BDKRB1: variants seen among roughly 807,000 people sequenced by gnomAD.
The protein encoded by BDKRB1 is B1 bradykinin receptor.
For synonymous variants in BDKRB1, 192 were observed against 189.1 expected (o/e 1.02, Z -0.13); for missense variants, 414 against 441.4 (o/e 0.94, Z 0.56).
intron 1 of BDKRB1, among the ~76,000 whole-genome samples, chr14:96,262,249 A>G (rs559334085): frequency 2.0e-5 from 3 of 152,310 alleles, no homozygotes; most frequent in African/African-American, 7.2e-5. Context: ...TGGCTTTGTC[A>G]TTCATCGCGT....
At chr14:96,260,537 G>C (rs1885723219) in intron 1 of BDKRB1, among the ~76,000 whole-genome samples, 1 of 152,110 alleles carries the variant, frequency 6.6e-6, no homozygotes, top group East Asian at 1.9e-4. Context: ...TACTCCAAAA[G>C]GGTTTATTTC....
At position 96,264,660 on chromosome 14, in the gene BDKRB1, T is replaced by G. The variant is rs757269829; in HGVS notation, c.978T>G (p.Leu326=). ...GRLFRTKVWE[L]YKQCTPKSLA... The stretch of plus-strand genomic sequence containing the variant: ...TCTTCAGGACCAAGGTCTGGGAACT[T>G]TATAAACAATGCACCCCTAAAAGTC... Residue 326 remains leucine (L), a synonymous_variant, in exon 3 of 3, where the codon CTT becomes CTG. Coordinates refer to ENST00000216629, the MANE Select transcript of BDKRB1 (RefSeq NM_000710.4). 4 of 1,614,092 alleles carry G rather than the reference T, an allele frequency of 2.5e-6. No individual in the cohort carries two copies. In the South Asian group the frequency reaches 4.4e-5, roughly 18 times the overall value.
intron 1 of BDKRB1, 23 bp from the exon 2 acceptor site, chr14:96,262,629 T>C (rs1566703128): frequency 2.8e-6 from 1 of 352,936 alleles, no homozygotes; most frequent in South Asian, 2.0e-5. Flanking sequence ...TTTTTTTTGT[T>C]GTTGTTGTTG....
chr14:96,263,782 G>A lies in BDKRB1; in HGVS notation c.100G>A (p.Asp34Asn), dbSNP rs1464615714. 6.2e-7 allele frequency: 1 copy of A among 1,614,220 alleles called. No individual in the cohort carries two copies. Among genetic ancestry groups the A allele is most frequent in the Non-Finnish European group, 8.5e-7 (1 of 1,180,040 alleles). ...CTGTGACAATGCTCCAGAAGCCTGG[G>A]ACCTGCTGCACAGAGTGCTGCCAAC... is the stretch of plus-strand genomic sequence containing the variant. Reference protein sequence around the residue: ...TACDNAPEAWDLLHRVLPTFI... With the variant: ...TACDNAPEAWNLLHRVLPTFI... Residue 34 changes from aspartate (D) to asparagine (N), a missense_variant, in exon 3 of 3, where the codon GAC becomes AAC. Transcript: ENST00000216629.
In BDKRB1 at chr14:96,264,628, G is replaced by A; in HGVS notation, c.946G>A (p.Gly316Ser). The stretch of plus-strand genomic sequence containing the variant: ...GAATCCAGTAATTTATGTCTTTGTG[G>A]GCCGGCTCTTCAGGACCAAGGTCTG... ...SLNPVIYVFV[G>S]RLFRTKVWEL... The change falls in exon 3 of 3, where the codon GGC (glycine) becomes AGC (serine). Residue 316 changes from glycine (G) to serine (S), a missense_variant. Physicochemically the swap from Gly to Ser is moderately conservative, Grantham distance 56 (BLOSUM62 0). Coordinates refer to ENST00000216629, the MANE Select transcript of BDKRB1 (RefSeq NM_000710.4). The A allele has an allele frequency of 6.2e-7, 1 of 1,614,120 alleles. No individual in the cohort carries two copies. Among genetic ancestry groups the A allele is most frequent in the Non-Finnish European group, 8.5e-7 (1 of 1,180,036 alleles).
At chr14:96,258,709 C>T (rs1459997549) in intron 1 of BDKRB1, among the ~76,000 whole-genome samples, 1 of 152,054 alleles carries the variant, frequency 6.6e-6, no homozygotes, top group Non-Finnish European at 1.5e-5. Context: ...TCAGTAGAGA[C>T]AAAGTTTCAC....
chr14:96,264,314 T>C lies in BDKRB1; in HGVS notation c.632T>C (p.Phe211Ser). The C allele has an allele frequency of 6.2e-7, 1 of 1,614,200 alleles. No homozygotes were observed. Among genetic ancestry groups the C allele is most frequent in the South Asian group, 1.1e-5 (1 of 91,086 alleles). ...ARIVELNILG[F>S]LLPLAAIVFF... ...ATTGTGGAGTTAAATATTCTGGGTT[T>C]CCTCCTACCACTGGCTGCGATCGTC... The change falls in exon 3 of 3, where the codon TTC (phenylalanine) becomes TCC (serine). Residue 211 changes from phenylalanine (F) to serine (S), a missense_variant. Physicochemically the swap from Phe to Ser is radical, Grantham distance 155. Coordinates refer to ENST00000216629, the MANE Select transcript of BDKRB1 (RefSeq NM_000710.4).
chr14:96,261,815 A>G (rs1357704678), intron 1 of BDKRB1, among the ~76,000 whole-genome samples: 1 of 152,244 alleles, frequency 6.6e-6, no homozygotes, highest in Admixed American at 6.5e-5. Context: ...GCAGCTGCTC[A>G]TTCTGCAGAT....
chr14:96,257,282 C>T (rs1885638454), intron 1 of BDKRB1, among the ~76,000 whole-genome samples: 1 of 152,232 alleles, frequency 6.6e-6, no homozygotes, highest in Non-Finnish European at 1.5e-5. Context: ...CTCTGGCTTC[C>T]TGGGCAGGGT....
At position 96,262,606 on chromosome 14, in the gene BDKRB1, C is replaced by CTT. The variant is rs34474132; in HGVS notation, c.-129-27_-129-26dup. On this transcript the variant is annotated intron_variant, in intron 1 of 2. Coordinates refer to ENST00000216629, the MANE Select transcript of BDKRB1 (RefSeq NM_000710.4). Reference sequence around the variant, plus strand: ...TTTTTCTTTTCTCTCTCTCTCTCTCCTTTTTTTTTTTTTTTTTTTTGTTGT... The same window carrying CTT: ...TTTTTCTTTTCTCTCTCTCTCTCTCCTTTTTTTTTTTTTTTTTTTTTTGTTGT... 588 of 310,570 alleles carry CTT rather than the reference C, an allele frequency of 1.9e-3. 2 individuals carry two copies. Among genetic ancestry groups the CTT allele is most frequent in the South Asian group, 2.6e-3 (122 of 47,230 alleles). The allele number at this position is 310,570 out of a possible 1,614,324, so 19.2% of individuals were successfully genotyped here. A position where few individuals can be genotyped will look rare whatever the true frequency, so the allele number is the denominator to read the frequency against.
intron 1 of BDKRB1, chr14:96,259,843 C>A (rs1399074232): frequency 6.6e-6 from 1 of 152,090 alleles, no homozygotes; most frequent in Admixed American, 6.5e-5. Flanking sequence ...TCTTATGGAG[C>A]CAACACACAG....
chr14:96,261,319 T>C (rs942107288), intron 1 of BDKRB1, among the ~76,000 whole-genome samples: 6 of 152,252 alleles, frequency 3.9e-5, no homozygotes, highest in Admixed American at 2.0e-4. Context: ...ATTCACTGCT[T>C]TGTCCTAAAT....
At position 96,263,706 on chromosome 14, in the gene BDKRB1, A is replaced by G. The variant is rs1421246225; in HGVS notation, c.24A>G (p.Leu8=). 3 of 1,613,870 alleles carry G rather than the reference A, an allele frequency of 1.9e-6. No individual in the cohort carries two copies. The highest frequency in any genetic ancestry group is 3.3e-5 in the Admixed American group (2 of 59,990). MASSWPP[L]ELQSSNQSQL... ...GCATGGCATCATCCTGGCCCCCTCT[A>G]GAGCTCCAATCCTCCAACCAGAGCC... The change falls in exon 3 of 3, where the codon CTA becomes CTG. Residue 8 remains leucine (L), a synonymous_variant. Transcript: ENST00000216629.
At chr14:96,262,971 T>C (rs1885792100) in intron 2 of BDKRB1, among the ~76,000 whole-genome samples, 1 of 152,028 alleles carries the variant, frequency 6.6e-6, no homozygotes, top group African/African-American at 2.4e-5. Context: ...CTCCTAGCAC[T>C]GTCCCCACCC....
rs144772148 is a variant in BDKRB1, at chr14:96,264,086, G to T, written c.404G>T (p.Arg135Leu). 194 of 1,605,092 alleles carry T rather than the reference G, an allele frequency of 1.2e-4. No homozygotes were observed. The highest frequency in any genetic ancestry group is 1.6e-4 in the Non-Finnish European group (191 of 1,175,858). ...IFLVVAISQD[R>L]YRVLVHPMAS... ...CTGGTGGTGGCCATCAGCCAGGACC[G>T]CTACCGCGTGCTGGTGCACCCTATG... The change falls in exon 3 of 3, where the codon CGC (arginine) becomes CTC (leucine). Residue 135 changes from arginine to leucine, a missense_variant. Physicochemically the swap from Arg to Leu is moderately radical, Grantham distance 102. Coordinates refer to ENST00000216629, the MANE Select transcript of BDKRB1 (RefSeq NM_000710.4).
chr14:96,261,173 A>G (rs962365548), intron 1 of BDKRB1, among the ~76,000 whole-genome samples: 1 of 152,082 alleles, frequency 6.6e-6, no homozygotes, highest in African/African-American at 2.4e-5. Flanking sequence ...TCACTTGATC[A>G]CTTCTCACCA....
At chr14:96,262,386 G>T (rs1009038695) in intron 1 of BDKRB1, among the ~76,000 whole-genome samples, 1 of 152,060 alleles carries the variant, frequency 6.6e-6, no homozygotes, top group Admixed American at 6.5e-5. Context: ...GGCGACTCCG[G>T]GTCTCAGCAC....
chr14:96,262,589 T>C, intron 1 of BDKRB1, 63 bp from the exon 2 acceptor site: 1 of 401,506 alleles, frequency 2.5e-6, no homozygotes, highest in Non-Finnish European at 4.7e-6. Context: ...CTTTTTTCTT[T>C]TCTCTCTCTC....
intron 1 of BDKRB1, chr14:96,259,436 T>C (rs1362200919): frequency 1.3e-5 from 2 of 152,252 alleles, no homozygotes; most frequent in African/African-American, 4.8e-5. Context: ...CACGTACGTC[T>C]ATAAATGTCA....
Sources: gnomAD v4.1 joint callset for allele counts (sites outside exome capture counted in the v4.1 genomes callset) on GRCh38, gnomAD v4.1.1 for gene constraint, MANE v1.5 for transcripts, NCBI Gene and HGNC (gene_info 2026-07-23, HGNC 2026-07-21) for gene names.